KLF8: variants seen among roughly 807,000 people sequenced by gnomAD.
KLF8 encodes the protein KLF transcription factor 8.
A neutral mutation model predicts 18.2 loss-of-function variants in KLF8; 10 were observed. The observed-to-expected ratio is 0.55, with a 90% CI of 0.34 to 0.93. The LOEUF (loss-of-function observed/expected upper bound fraction) is 0.93, where lower values mean the gene tolerates loss of function less well. Among genes scored for constraint, KLF8 ranks in the 40% least tolerant of loss-of-function variants. The pLI is 0.02. For synonymous variants in KLF8, 109 were observed against 97.3 expected (o/e 1.12, Z -0.71); for missense variants, 264 against 277.9 (o/e 0.95, Z 0.36).
At chrX:56,083,696 G>T in the KLF8 span, among the ~76,000 whole-genome samples, 2 of 111,977 alleles carry the variant, frequency 1.8e-5, no homozygotes, top group African/African-American at 6.5e-5. Context: ...ACAGCTGGAG[G>T]TGAGTGGCAG....
At chrX:55,917,234 G>A in the KLF8 span, among the ~76,000 whole-genome samples, 2 of 112,048 alleles carry the variant, frequency 1.8e-5, no homozygotes, top group Non-Finnish European at 1.9e-5. Context: ...CCAAAATGAA[G>A]CAACTTCCTA....
At chrX:56,128,547 A>T in the KLF8 span, among the ~76,000 whole-genome samples, 1 of 111,762 alleles carries the variant, frequency 8.9e-6, no homozygotes, top group South Asian at 3.7e-4. Context: ...ATAGAAAAAA[A>T]GTAGAAAATA....
the KLF8 span, among the ~76,000 whole-genome samples, chrX:56,162,383 C>T: frequency 8.9e-6 from 1 of 112,180 alleles, no homozygotes; most frequent in Non-Finnish European, 1.9e-5. Context: ...TCTACAGAGG[C>T]AGGCAGGCCT....
chrX:56,068,874 T>C, the KLF8 span, among the ~76,000 whole-genome samples: 1 of 112,345 alleles, frequency 8.9e-6, no homozygotes. Context: ...ATGCAGGTAA[T>C]GCTTGCTAGA....
At chrX:55,934,584 A>G in the KLF8 span, among the ~76,000 whole-genome samples, 1 of 112,127 alleles carries the variant, frequency 8.9e-6, no homozygotes, top group African/African-American at 3.2e-5. Context: ...CTTTCTGAGC[A>G]TGGTGGTATT....
chrX:56,166,193 G>A, the KLF8 span, among the ~76,000 whole-genome samples: 109 of 108,298 alleles, frequency 1.0e-3, no homozygotes, highest in African/African-American at 3.6e-3. Context: ...AGTGCTTCTG[G>A]CCATATAGAA....
chrX:56,058,164 A>ATG, the KLF8 span, among the ~76,000 whole-genome samples: 1 of 91,720 alleles, frequency 1.1e-5, no homozygotes, highest in African/African-American at 4.2e-5. Context: ...TTGGGCATAT[A>ATG]TATATATATA....
rs2147550021 is a variant in KLF8, at chrX:56,233,124, T to C, written c.-211T>C. Reference sequence around the variant, plus strand: ...GTGGCCCAGCTGGGTCTGAATCGACTCCCTCCCCTTTCGACCCCCTCCTCA... The same window carrying C: ...GTGGCCCAGCTGGGTCTGAATCGACCCCCTCCCCTTTCGACCCCCTCCTCA... On this transcript the variant is annotated 5_prime_UTR_variant, in exon 1 of 6. Transcript: ENST00000468660. 1 of 448,942 alleles carries C rather than the reference T, an allele frequency of 2.2e-6. No individual in the cohort carries two copies. Among genetic ancestry groups the C allele is most frequent in the South Asian group, 3.5e-5 (1 of 28,545 alleles). The allele number at this position is 448,942 out of a possible 1,213,427, so 37.0% of individuals were successfully genotyped here.
At chrX:56,180,050 A>G in the KLF8 span, among the ~76,000 whole-genome samples, 49 of 111,529 alleles carry the variant, frequency 4.4e-4, no homozygotes, top group South Asian at 0.019. Flanking sequence ...TGATTGGAAT[A>G]GTTTCAGAAA....
the KLF8 span, among the ~76,000 whole-genome samples, chrX:56,160,928 C>A: frequency 2.7e-5 from 3 of 111,231 alleles, no homozygotes; most frequent in Non-Finnish European, 3.8e-5. Flanking sequence ...TTGATCCTGT[C>A]ATTATGATGT....
At chrX:56,165,499 G>A in the KLF8 span, among the ~76,000 whole-genome samples, 1 of 111,978 alleles carries the variant, frequency 8.9e-6, no homozygotes, top group Non-Finnish European at 1.9e-5. Flanking sequence ...ATATCACCAC[G>A]TTGGTGACTT....
chrX:55,947,290 T>C, the KLF8 span, among the ~76,000 whole-genome samples: 1 of 110,352 alleles, frequency 9.1e-6, no homozygotes, highest in Non-Finnish European at 1.9e-5. Context: ...ATATACACCA[T>C]GGAATACTAT....
intron 2 of KLF8, among the ~76,000 whole-genome samples, chrX:56,258,204 A>C (rs772121954): frequency 4.4e-5 from 5 of 112,652 alleles, no homozygotes; most frequent in Non-Finnish European, 9.4e-5. Flanking sequence ...AGTATTAGAT[A>C]AAAATCTATT....
At chrX:56,241,525 T>C (rs757773514) in intron 1 of KLF8, among the ~76,000 whole-genome samples, 29 of 112,530 alleles carry the variant, frequency 2.6e-4, no homozygotes, top group African/African-American at 7.7e-4. Context: ...TGATGGTTTG[T>C]AGAAAACTTA....
At chrX:56,022,319 G>T in the KLF8 span, among the ~76,000 whole-genome samples, 1 of 109,982 alleles carries the variant, frequency 9.1e-6, no homozygotes, top group Non-Finnish European at 1.9e-5. Flanking sequence ...GGCTGATGCG[G>T]GCGGATCACG....
chrX:56,097,509 C>G, the KLF8 span, among the ~76,000 whole-genome samples: 1 of 107,330 alleles, frequency 9.3e-6, no homozygotes, highest in Non-Finnish European at 1.9e-5. Context: ...TCAACAATCA[C>G]TCTTTTATTA....
chrX:56,065,722 A>T, the KLF8 span, among the ~76,000 whole-genome samples: 1 of 110,600 alleles, frequency 9.0e-6, no homozygotes, highest in African/African-American at 3.3e-5. Flanking sequence ...TTAAAGATGG[A>T]TTTATGTTGT....
chrX:56,056,729 G>C, the KLF8 span, among the ~76,000 whole-genome samples: 2 of 97,055 alleles, frequency 2.1e-5, no homozygotes, highest in South Asian at 5.4e-4. Flanking sequence ...CAGCGCACCA[G>C]CATGGCACAT....
the KLF8 span, among the ~76,000 whole-genome samples, chrX:56,010,965 A>G: frequency 8.9e-6 from 1 of 112,513 alleles, no homozygotes; most frequent in African/African-American, 3.2e-5. Flanking sequence ...GCACAGATTC[A>G]TGAAAGAAAT....
Sources: gnomAD v4.1 joint callset for allele counts (sites outside exome capture counted in the v4.1 genomes callset) on GRCh38, gnomAD v4.1.1 for gene constraint, MANE v1.5 for transcripts, NCBI Gene and HGNC (gene_info 2026-07-23, HGNC 2026-07-21) for gene names.